RASAL2: variants seen among roughly 807,000 people sequenced by gnomAD.
The protein encoded by RASAL2 is RAS protein activator like 2.
A neutral mutation model predicts 128.9 loss-of-function variants in RASAL2; 58 were observed. The observed-to-expected ratio is 0.45, with a 90% CI of 0.36 to 0.56. The LOEUF is 0.56. RASAL2 is among the 20% of genes least tolerant of loss of function. The pLI, the probability that RASAL2 is intolerant of heterozygous loss-of-function variation, is 0.00. For missense variants in RASAL2, 1,360 were observed against 1,601.6 expected, an observed-to-expected ratio of 0.85 and a Z score of 2.57; for synonymous variants, 561 against 580.8, an observed-to-expected ratio of 0.97 and a Z score of 0.49.
intron 1 of RASAL2, among the ~76,000 whole-genome samples, chr1:178,125,149 T>G (rs1659851592): frequency 2.6e-5 from 4 of 152,204 alleles, no homozygotes. Flanking sequence ...TCTTATTTCC[T>G]CTAGCAAATA....
chr1:178,150,377 G>A (rs1660871255), intron 1 of RASAL2, among the ~76,000 whole-genome samples: 1 of 151,790 alleles, frequency 6.6e-6, no homozygotes, highest in Admixed American at 6.6e-5. Flanking sequence ...GTAGAGACAG[G>A]GTTTTGCCAT....
At chr1:178,390,289 T>A (rs1672821984) in intron 4 of RASAL2, 83 bp downstream of exon 4, 1 of 904,394 alleles carries the variant, frequency 1.1e-6, no homozygotes, top group East Asian at 2.7e-5. Context: ...TACTAAGGAA[T>A]CCAAACATTC....
At chr1:178,136,685 G>A (rs1459278843) in intron 1 of RASAL2, among the ~76,000 whole-genome samples, 2 of 134,626 alleles carry the variant, frequency 1.5e-5, no homozygotes, top group African/African-American at 2.7e-5. Context: ...TGAACCTGTT[G>A]TGGGGAGGTT....
At position 178,308,701 on chromosome 1, in the gene RASAL2, A is replaced by T. The variant is rs544044815; in HGVS notation, c.457+8583A>T. ...ACTGATACTACAGGCACTCACCACC[A>T]TGCCTGGCTATTTTTTTTTTTAATT... On this transcript the variant is annotated intron_variant, in intron 3 of 17. Coordinates refer to ENST00000367649, the MANE Select transcript of RASAL2 (RefSeq NM_170692.4). 9.9e-5 allele frequency among the ~76,000 whole-genome samples: 15 copies of T among 151,680 alleles called. No homozygotes were observed. In the South Asian group the frequency reaches 2.9e-3, roughly 29 times the overall value.
chr1:178,356,037 C>T (rs1445724856), intron 3 of RASAL2, among the ~76,000 whole-genome samples: 13 of 151,924 alleles, frequency 8.6e-5, no homozygotes, highest in Non-Finnish European at 1.5e-4. Context: ...GGGATGGTGG[C>T]GGGCACCTGT....
intron 1 of RASAL2, among the ~76,000 whole-genome samples, chr1:178,230,296 CTT>C (rs1182031175): frequency 2.0e-5 from 3 of 152,072 alleles, no homozygotes; most frequent in Admixed American, 2.0e-4. Context: ...TTTAATTTCT[CTT>C]GAGTAAATAC....
At chr1:178,349,655 T>C (rs1005729232) in intron 3 of RASAL2, among the ~76,000 whole-genome samples, 1 of 151,838 alleles carries the variant, frequency 6.6e-6, no homozygotes, top group African/African-American at 2.4e-5. Flanking sequence ...TTTATAATAG[T>C]AATATATATA....
At chr1:178,123,956 AGCCACCTT>A (rs1659803863) in intron 1 of RASAL2, 1 of 152,316 alleles carries the variant, frequency 6.6e-6, no homozygotes, top group Admixed American at 6.6e-5. Context: ...TATAGGCATG[AGCCACCTT>A]GCCTGGCCCA....
At chr1:178,162,748 C>T (rs866764428) in intron 1 of RASAL2, among the ~76,000 whole-genome samples, 3 of 150,396 alleles carry the variant, frequency 2.0e-5, no homozygotes, top group East Asian at 2.0e-4. Flanking sequence ...CCACCATGCT[C>T]GTCTAATTTC....
At chr1:178,164,579 C>T (rs899273470) in intron 1 of RASAL2, among the ~76,000 whole-genome samples, 3 of 147,962 alleles carry the variant, frequency 2.0e-5, no homozygotes, top group Non-Finnish European at 3.0e-5. Flanking sequence ...AATAAACTAT[C>T]AGTAAATTTG....
chr1:178,404,804 C>T (rs1056214591), intron 4 of RASAL2, among the ~76,000 whole-genome samples: 1 of 151,356 alleles, frequency 6.6e-6, no homozygotes, highest in Non-Finnish European at 1.5e-5. Flanking sequence ...ACCTCAGCCT[C>T]CTGAGTAGCC....
In RASAL2 at chr1:178,452,469, T is replaced by C; in HGVS notation, c.1826T>C (p.Leu609Pro). The change falls in exon 11 of 18, where the codon CTG becomes CCG. Residue 609 changes from leucine to proline, a missense_variant. Leu to Pro is a moderately conservative substitution (Grantham distance 98). Around this residue, in one of 3 missense-constraint regions of RASAL2, gnomAD observed 741 missense variants for 868.6 expected, o/e 0.85. Transcript: ENST00000367649. The part of the protein sequence containing the change: ...EVFASWKQQC[L>P]NRGKQDISER... The stretch of plus-strand genomic sequence containing the variant: ...TTTGCATCATGGAAGCAGCAGTGCC[T>C]GAACCGTGGCAAGCAAGACATCAGC... 6.2e-7 allele frequency: 1 copy of C among 1,614,092 alleles called. No homozygotes were observed. The highest frequency in any genetic ancestry group is 8.5e-7 in the Non-Finnish European group (1 of 1,179,958).
At chr1:178,202,508 G>A (rs1662907213) in intron 1 of RASAL2, among the ~76,000 whole-genome samples, 1 of 152,218 alleles carries the variant, frequency 6.6e-6, no homozygotes, top group Non-Finnish European at 1.5e-5. Context: ...CTTTCCAGTG[G>A]GCAGAACTTC....
intron 2 of RASAL2, 49 bp from the exon 3 acceptor site, chr1:178,299,943 T>G (rs766588446): frequency 6.3e-7 from 1 of 1,591,614 alleles, no homozygotes; most frequent in Non-Finnish European, 8.6e-7. Flanking sequence ...CAGAACGTAG[T>G]TATGGTGAGT....
intron 1 of RASAL2, among the ~76,000 whole-genome samples, chr1:178,269,572 GGCCAAAACCT>G (rs1666146883): frequency 6.6e-6 from 1 of 152,116 alleles, no homozygotes; most frequent in African/African-American, 2.4e-5. Context: ...TAAAGGAGCT[GGCCAAAACCT>G]GCCAAAACCA....
chr1:178,283,818 G>A, intron 2 of RASAL2, 127 bp downstream of exon 2: 2 of 1,134,018 alleles, frequency 1.8e-6, no homozygotes, highest in South Asian at 1.5e-5. Flanking sequence ...ATATAGGTAA[G>A]TCTAAAAGGC....
chr1:178,382,047 A>C (rs1672314070), intron 3 of RASAL2, among the ~76,000 whole-genome samples: 1 of 152,190 alleles, frequency 6.6e-6, no homozygotes. Context: ...TGTTCTTTGC[A>C]AAACCTAAAA....
At chr1:178,259,367 G>T (rs981304289) in intron 1 of RASAL2, among the ~76,000 whole-genome samples, 1 of 151,796 alleles carries the variant, frequency 6.6e-6, no homozygotes, top group Non-Finnish European at 1.5e-5. Context: ...TCCTGACCTC[G>T]TGATCCGCCC....
At chr1:178,356,172 A>AAAG (rs1207259068) in intron 3 of RASAL2, among the ~76,000 whole-genome samples, 12 of 147,776 alleles carry the variant, frequency 8.1e-5, no homozygotes, top group African/African-American at 2.9e-4. Context: ...CTCTGTCTCA[A>AAAG]AAAAAAAAAA....
Sources: gnomAD v4.1 joint callset for allele counts (sites outside exome capture counted in the v4.1 genomes callset) on GRCh38, gnomAD v4.1.1 for gene constraint, gnomAD v4.1.1 regional missense constraint, MANE v1.5 for transcripts, NCBI Gene and HGNC (gene_info 2026-07-23, HGNC 2026-07-21) for gene names.